ADAMTS5: variants seen among roughly 807,000 people sequenced by gnomAD.
ADAMTS5 encodes ADAM metallopeptidase with thrombospondin type 1 motif 5.
In ADAMTS5, 54 loss-of-function variants were observed where a neutral mutation model predicts 81.4. The observed-to-expected ratio is 0.66, with a 90% CI of 0.53 to 0.83. The LOEUF (loss-of-function observed/expected upper bound fraction) is 0.83, where lower values mean the gene tolerates loss of function less well. ADAMTS5 is among the 40% of genes least tolerant of loss of function. The probability of loss-of-function intolerance (pLI) is 0.00; values close to 1 mark genes in which losing one functional copy is unlikely to be tolerated. For synonymous variants in ADAMTS5, 532 were observed against 508.8 expected, an observed-to-expected ratio of 1.05 and a Z score of -0.61; for missense variants, 1,194 against 1,229.9, an observed-to-expected ratio of 0.97 and a Z score of 0.44.
Position 26,921,997 on chromosome 21 carries a change from G to GA in ADAMTS5, c.*2055dup, listed in dbSNP as rs1986707685. ...CTTGATTAAAATTATTTCCAAAATG[G>GA]AAAAAAGTAACATTAACCTCTCTCC... On this transcript the variant is annotated 3_prime_UTR_variant, in exon 8 of 8. Coordinates refer to ENST00000284987, the MANE Select transcript of ADAMTS5 (RefSeq NM_007038.5). 6.6e-6 allele frequency: 1 copy of GA among 151,948 alleles called. No individual in the cohort carries two copies. The highest frequency in any genetic ancestry group is 2.4e-5 in the African/African-American group (1 of 41,396). The allele number at this position is 151,948 out of a possible 1,614,324, so 9.4% of individuals were successfully genotyped here.
chr21:26,965,479 C>G lies in ADAMTS5; in HGVS notation c.913G>C (p.Ala305Pro). The stretch of plus-strand genomic sequence containing the variant: ...AGGCGGATGTGGTTCTCGATGCTAG[C>G]ATGGCTGTACAGCCTATTGGCGATG... ...ASIANRLYSH[A>P]SIENHIRLAV... is the part of the protein sequence containing the mutation. The change falls in exon 1 of 8, where the codon GCT (alanine) becomes CCT (proline). Residue 305 changes from alanine (A) to proline (P), a missense_variant. Physicochemically the swap from Ala to Pro is conservative, Grantham distance 27 (BLOSUM62 -1). This residue lies in a region of ADAMTS5 where 696 missense variants were observed against 817.6 expected (regional missense o/e 0.85). Coordinates refer to ENST00000284987, the MANE Select transcript of ADAMTS5 (RefSeq NM_007038.5). 2 of 1,614,262 alleles carry G rather than the reference C, an allele frequency of 1.2e-6. No individual in the cohort carries two copies. Among genetic ancestry groups the G allele is most frequent in the Non-Finnish European group, 1.7e-6 (2 of 1,180,050 alleles).
rs191921967 is a variant in ADAMTS5 at position 26,918,678 on chromosome 21, T to C, written c.*5375A>G. The stretch of plus-strand genomic sequence containing the variant: ...TAGCTTTACAAAGTCACATACAGTA[T>C]GTTCTTCTATTGTAAATATACTCTC... On this transcript the variant is annotated 3_prime_UTR_variant, in exon 8 of 8. Coordinates refer to ENST00000284987, the MANE Select transcript of ADAMTS5 (RefSeq NM_007038.5). 1.1e-4 allele frequency: 17 copies of C among 152,166 alleles called. No homozygotes were observed. The highest frequency in any genetic ancestry group is 1.0e-3 in the Admixed American group (16 of 15,268). The allele number at this position is 152,166 out of a possible 1,614,324, so 9.4% of individuals were successfully genotyped here.
intron 7 of ADAMTS5, among the ~76,000 whole-genome samples, chr21:26,928,961 G>T (rs1986856735): frequency 6.6e-6 from 1 of 152,056 alleles, no homozygotes; most frequent in African/African-American, 2.4e-5. Context: ...TTTTGACATA[G>T]ATGGTCTAAC....
At chr21:26,945,858 A>T (rs918646390) in intron 2 of ADAMTS5, among the ~76,000 whole-genome samples, 3 of 152,196 alleles carry the variant, frequency 2.0e-5, no homozygotes, top group African/African-American at 7.2e-5. Context: ...TTCAAGCATG[A>T]ACAAATCTTT....
chr21:26,921,760 T>G lies in ADAMTS5; in HGVS notation c.*2293A>C, dbSNP rs765253797. 1.3e-5 allele frequency: 2 copies of G among 152,526 alleles called. No homozygotes were observed. The highest frequency in any genetic ancestry group is 2.9e-5 in the Non-Finnish European group (2 of 67,952). 9.4% of individuals were successfully genotyped at this position (152,526 alleles called of 1,614,324 possible). On this transcript the variant is annotated 3_prime_UTR_variant, in exon 8 of 8. Transcript: ENST00000284987. Reference sequence around the variant, plus strand: ...TTAAAAGCATGGAATAGTGGTTTAATTGCTCTGAGCTCTCTAGGATTGTTT... The same window carrying G: ...TTAAAAGCATGGAATAGTGGTTTAAGTGCTCTGAGCTCTCTAGGATTGTTT...
At chr21:26,964,018 A>G (rs1987584548) in intron 1 of ADAMTS5, among the ~76,000 whole-genome samples, 1 of 152,196 alleles carries the variant, frequency 6.6e-6, no homozygotes, top group South Asian at 2.1e-4. Context: ...AAATAGAAGA[A>G]TTAGGTAGCG....
chr21:26,951,609 G>A (rs1987317488), intron 2 of ADAMTS5, among the ~76,000 whole-genome samples: 1 of 130,610 alleles, frequency 7.7e-6, no homozygotes. Context: ...AACCTGGGAG[G>A]CAGAGGTTGC....
intron 3 of ADAMTS5, 116 bp from the exon 4 acceptor site, chr21:26,934,865 C>T (rs1986985650): frequency 3.7e-6 from 5 of 1,360,210 alleles, no homozygotes; most frequent in Admixed American, 2.1e-5. Flanking sequence ...ACCCATGAAT[C>T]TGTAGTGTAA....
Position 26,966,657 on chromosome 21 carries a change from TA to T in ADAMTS5, c.-267del, listed in dbSNP as rs34772523. On this transcript the variant is annotated 5_prime_UTR_variant, in exon 1 of 8. Transcript: ENST00000284987. ...GTGGGGGGGGGGGGAAAGAAAAGATTAAAAAAAAAAAGTCGGATAGTGGAGA... is the reference window on the plus strand; with the variant it reads ...GTGGGGGGGGGGGGAAAGAAAAGATTAAAAAAAAAAGTCGGATAGTGGAGA... 2,268 of 169,786 alleles carry T rather than the reference TA, an allele frequency of 0.013. 86 individuals carry two copies. The highest frequency in any genetic ancestry group is 0.069 in the African/African-American group (1,991 of 28,678). 10.5% of individuals were successfully genotyped at this position (169,786 alleles called of 1,614,324 possible).
intron 2 of ADAMTS5, among the ~76,000 whole-genome samples, chr21:26,944,992 C>T (rs766407638): frequency 1.2e-4 from 19 of 152,076 alleles, no homozygotes; most frequent in Non-Finnish European, 2.4e-4. Context: ...CTGGGAAGTT[C>T]TCCCACCACC....
chr21:26,936,950 C>A (rs1568843070), intron 3 of ADAMTS5, among the ~76,000 whole-genome samples: 1 of 152,124 alleles, frequency 6.6e-6, no homozygotes, highest in African/African-American at 2.4e-5. Context: ...TCTGAGTCTG[C>A]AATAATGTTT....
intron 6 of ADAMTS5, among the ~76,000 whole-genome samples, chr21:26,930,345 G>A (rs1986885013): frequency 6.6e-6 from 1 of 152,138 alleles, no homozygotes; most frequent in African/African-American, 2.4e-5. Flanking sequence ...CTTCGTTTTT[G>A]TATGCATAAT....
At chr21:26,932,249 ATAGT>A in intron 5 of ADAMTS5, 70 bp from the exon 6 acceptor site, 1 of 1,504,934 alleles carries the variant, frequency 6.6e-7, no homozygotes, top group Non-Finnish European at 8.9e-7. Flanking sequence ...GTGGGTTTAA[ATAGT>A]TAATTTTAAG....
chr21:26,939,742 G>A (rs1426824097), intron 3 of ADAMTS5: 1 of 152,204 alleles, frequency 6.6e-6, no homozygotes, highest in Non-Finnish European at 1.5e-5. Flanking sequence ...TGGACTCAAG[G>A]TTAGTAAACA....
In ADAMTS5 at chr21:26,932,947, T is replaced by G; in HGVS notation, c.1787A>C (p.Asn596Thr). The part of the protein sequence containing the change: ...GVQFAYRHCN[N>T]PAPRNNGRYC... ...GCGTCCGTTGTTTCTGGGAGCAGGG[T>G]TATTACAGTGACGATAGGCAAACTG... The change falls in exon 5 of 8, where the codon AAC becomes ACC. Residue 596 changes from asparagine to threonine, a missense_variant. Physicochemically the swap from Asn to Thr is moderately conservative, Grantham distance 65. This residue lies in a region of ADAMTS5 where 696 missense variants were observed against 817.6 expected (regional missense o/e 0.85). Coordinates refer to ENST00000284987, the MANE Select transcript of ADAMTS5 (RefSeq NM_007038.5). 1 of 1,613,956 alleles carries G rather than the reference T, an allele frequency of 6.2e-7. No homozygotes were observed. Among genetic ancestry groups the G allele is most frequent in the Non-Finnish European group, 8.5e-7 (1 of 1,179,998 alleles).
intron 1 of ADAMTS5, 47 bp downstream of exon 1, chr21:26,965,241 A>G (rs763404044): frequency 5.8e-6 from 9 of 1,561,610 alleles, no homozygotes; most frequent in Non-Finnish European, 7.8e-6. Context: ...CCTTCTACCT[A>G]CCTCCTGATA....
chr21:26,965,424 T>A lies in ADAMTS5; in HGVS notation c.968A>T (p.Asp323Val). The A allele has an allele frequency of 6.2e-7, 1 of 1,614,262 alleles. No individual in the cohort carries two copies. Among genetic ancestry groups the A allele is most frequent in the Non-Finnish European group, 8.5e-7 (1 of 1,180,044 alleles). ...LAVVKVVVLGDKDKSLEVSKN... is the reference protein window; with the variant it reads ...LAVVKVVVLGVKDKSLEVSKN... ...GCTCACTTCCAGGCTCTTGTCCTTGTCGCCTAGCACCACCACCTTCACCAC... is the reference window on the plus strand; with the variant it reads ...GCTCACTTCCAGGCTCTTGTCCTTGACGCCTAGCACCACCACCTTCACCAC... The change falls in exon 1 of 8, where the codon GAC (aspartate) becomes GTC (valine). Residue 323 changes from aspartate (D) to valine (V), a missense_variant. Asp to Val is a radical substitution (Grantham distance 152). This residue lies in a region of ADAMTS5 where 696 missense variants were observed against 817.6 expected (regional missense o/e 0.85). Transcript: ENST00000284987.
At chr21:26,959,583 C>T (rs1987489318) in intron 1 of ADAMTS5, among the ~76,000 whole-genome samples, 1 of 152,122 alleles carries the variant, frequency 6.6e-6, no homozygotes. Flanking sequence ...AAATTTCTTT[C>T]TTGCAGCAAA....
At position 26,962,275 on chromosome 21, in the gene ADAMTS5, A is replaced by C. The variant is rs550584155; in HGVS notation, c.1104+3013T>G. Among the ~76,000 whole-genome samples, 14 of 152,350 alleles carry C rather than the reference A, an allele frequency of 9.2e-5. No individual in the cohort carries two copies. In the South Asian group the frequency reaches 2.9e-3, roughly 32 times the overall value. On this transcript the variant is annotated intron_variant, in intron 1 of 7. Coordinates refer to ENST00000284987, the MANE Select transcript of ADAMTS5 (RefSeq NM_007038.5). ...TATCTTGAAATAAAAGAGGACGTCC[A>C]GAACAAGGAAAGGATTCTGGAAAGC...
Sources: gnomAD v4.1 joint callset for allele counts (sites outside exome capture counted in the v4.1 genomes callset) on GRCh38, gnomAD v4.1.1 for gene constraint, gnomAD v4.1.1 regional missense constraint, MANE v1.5 for transcripts, NCBI Gene and HGNC (gene_info 2026-07-23, HGNC 2026-07-21) for gene names.